TCEA1: variants seen among roughly 807,000 people sequenced by gnomAD.
TCEA1 encodes transcription elongation factor A protein 1.
A neutral mutation model predicts 43.8 loss-of-function variants in TCEA1; 21 were observed. That is an observed-to-expected ratio of 0.48 (90% CI 0.34 to 0.69). The LOEUF is 0.69. Among genes scored for constraint, TCEA1 ranks in the 30% least tolerant of loss-of-function variants. TCEA1 has a pLI of 0.01. For missense variants in TCEA1, 250 were observed against 365.1 expected, an observed-to-expected ratio of 0.68 and a Z score of 2.57; for synonymous variants, 104 against 117.5, an observed-to-expected ratio of 0.88 and a Z score of 0.75.
intron 2 of TCEA1, chr8:54,009,837 A>G (rs1804593800): frequency 6.6e-6 from 1 of 152,340 alleles, no homozygotes; most frequent in African/African-American, 2.4e-5. Flanking sequence ...CTCCCAACAC[A>G]GAGAAATGAT....
chr8:54,019,629 A>T (rs1804959991), intron 1 of TCEA1, among the ~76,000 whole-genome samples: 1 of 152,110 alleles, frequency 6.6e-6, no homozygotes, highest in Non-Finnish European at 1.5e-5. Flanking sequence ...CTGAGAGAAA[A>T]ATCTGAAAAC....
chr8:53,985,166 G>A lies in TCEA1; in HGVS notation c.524-649C>T, dbSNP rs188394829. Among the ~76,000 whole-genome samples the A allele has an allele frequency of 4.1e-3, 620 of 152,044 alleles. 4 individuals carry two copies. The highest frequency in any genetic ancestry group is 0.014 in the African/African-American group (591 of 41,482). On this transcript the variant is annotated intron_variant, in intron 6 of 9. Transcript: ENST00000521604. ...GTAGCTGCTGCGATTATAAGCGCCTGCCACCATGCCCGGCTAATTTTTGTA... is the reference window on the plus strand; with the variant it reads ...GTAGCTGCTGCGATTATAAGCGCCTACCACCATGCCCGGCTAATTTTTGTA...
rs1033474148 is a variant in TCEA1 at position 53,988,382 on chromosome 8, C to T, written c.321-123G>A. 5 of 1,169,370 alleles carry T rather than the reference C, an allele frequency of 4.3e-6. No homozygotes were observed. In the African/African-American group the frequency reaches 7.6e-5, roughly 18 times the overall value. The allele number at this position is 1,169,370 out of a possible 1,614,324, so 72.4% of individuals were successfully genotyped here. A position where few individuals can be genotyped will look rare whatever the true frequency, so the allele number is the denominator to read the frequency against. On this transcript the variant is annotated intron_variant, in intron 4 of 9. Coordinates refer to ENST00000521604, the MANE Select transcript of TCEA1 (RefSeq NM_006756.4). ...ATAAATGACACAGTATCTCAGTGAC[C>T]TTTATGTGATGGAAAAAAAATTGCC... is the stretch of plus-strand genomic sequence containing the variant.
At position 54,006,147 on chromosome 8, in the gene TCEA1, G is replaced by A. The variant is rs79649513; in HGVS notation, c.126+4283C>T. 7.3e-3 allele frequency among the ~76,000 whole-genome samples: 1,108 copies of A among 152,198 alleles called. 49 individuals carry two copies. The highest frequency in any genetic ancestry group is 0.061 in the Admixed American group (928 of 15,282). On this transcript the variant is annotated intron_variant, in intron 2 of 9. Coordinates refer to ENST00000521604, the MANE Select transcript of TCEA1 (RefSeq NM_006756.4). ...CTTAGATTGACAAGTAAACTTCTTC[G>A]TTCTTCTTCCTACCCTCCTTCTTTC...
intron 8 of TCEA1, chr8:53,973,798 AG>A (rs1368478485): frequency 4.3e-5 from 18 of 423,192 alleles, no homozygotes; most frequent in African/African-American, 3.8e-4. Flanking sequence ...CCCAATTTCA[AG>A]AAAACAAAAG....
intron 1 of TCEA1, among the ~76,000 whole-genome samples, chr8:54,019,659 A>C (rs1295441499): frequency 6.6e-6 from 1 of 152,150 alleles, no homozygotes; most frequent in Non-Finnish European, 1.5e-5. Context: ...AAAGAGAAAC[A>C]CATATACCAT....
intron 1 of TCEA1, among the ~76,000 whole-genome samples, chr8:54,018,715 G>A (rs1307734568): frequency 6.6e-6 from 1 of 152,202 alleles, no homozygotes; most frequent in Middle Eastern, 3.2e-3. Context: ...GTGCACTTGA[G>A]ATCAAGTACA....
At chr8:54,017,987 C>T (rs180746918) in intron 1 of TCEA1, among the ~76,000 whole-genome samples, 1 of 152,200 alleles carries the variant, frequency 6.6e-6, no homozygotes, top group Non-Finnish European at 1.5e-5. Flanking sequence ...GCACCACAAC[C>T]CTTGCATTGT....
At chr8:53,973,339 C>A in intron 8 of TCEA1, 1 of 529,158 alleles carries the variant, frequency 1.9e-6, no homozygotes, top group African/African-American at 2.0e-5. Flanking sequence ...AAAGGATAAA[C>A]TGACCCCTTG....
intron 7 of TCEA1, among the ~76,000 whole-genome samples, chr8:53,980,994 C>T (rs918181978): frequency 4.6e-5 from 7 of 152,096 alleles, no homozygotes; most frequent in Admixed American, 2.6e-4. Context: ...TTTTAGTGGC[C>T]TAGACAGAAG....
chr8:54,022,403 C>T lies in TCEA1; in HGVS notation c.-278G>A, dbSNP rs1259264221. On this transcript the variant is annotated 5_prime_UTR_variant, in exon 1 of 10. Transcript: ENST00000521604. The stretch of plus-strand genomic sequence containing the variant: ...CGCTGGTGAGGGGCGAGCCCATGTT[C>T]CCGCCAGGCGGGCGTCGGGCTAGTG... 6 of 491,034 alleles carry T rather than the reference C, an allele frequency of 1.2e-5. No homozygotes were observed. The highest frequency in any genetic ancestry group is 2.1e-5 in the African/African-American group (1 of 48,420). 30.4% of individuals were successfully genotyped at this position (491,034 alleles called of 1,614,324 possible).
intron 4 of TCEA1, among the ~76,000 whole-genome samples, chr8:53,988,904 A>G (rs1803778958): frequency 6.6e-6 from 1 of 152,238 alleles, no homozygotes; most frequent in South Asian, 2.1e-4. Flanking sequence ...CCCCGTCTCT[A>G]TTAAAAATAC....
At chr8:54,003,259 C>T (rs149771023) in intron 2 of TCEA1, among the ~76,000 whole-genome samples, 4 of 152,130 alleles carry the variant, frequency 2.6e-5, no homozygotes, top group South Asian at 2.1e-4. Context: ...GTCGATAGAC[C>T]GGAAGACTTA....
chr8:53,986,148 G>A (rs1355860514), intron 6 of TCEA1, among the ~76,000 whole-genome samples: 1 of 152,094 alleles, frequency 6.6e-6, no homozygotes, highest in Non-Finnish European at 1.5e-5. Flanking sequence ...AGACCTTTCT[G>A]GCTGGTAGCA....
At position 54,006,352 on chromosome 8, in the gene TCEA1, G is replaced by A. The variant is rs373900588; in HGVS notation, c.126+4078C>T. The stretch of plus-strand genomic sequence containing the variant: ...CTCTTAGCCGGGTGTGGTGATACAC[G>A]CCTGTAATCCCAGCTACTCAGGAGG... On this transcript the variant is annotated intron_variant, in intron 2 of 9. Coordinates refer to ENST00000521604, the MANE Select transcript of TCEA1 (RefSeq NM_006756.4). Among the ~76,000 whole-genome samples the A allele has an allele frequency of 4.6e-5, 7 of 152,200 alleles. No homozygotes were observed. In the East Asian group the frequency reaches 7.7e-4, roughly 17 times the overall value.
intron 3 of TCEA1, among the ~76,000 whole-genome samples, chr8:53,998,895 A>G (rs1161180373): frequency 6.6e-6 from 1 of 152,194 alleles, no homozygotes; most frequent in Non-Finnish European, 1.5e-5. Flanking sequence ...AATTTCATAA[A>G]AGATAAAGAA....
intron 1 of TCEA1, among the ~76,000 whole-genome samples, chr8:54,018,708 C>A (rs746157503): frequency 1.2e-4 from 19 of 152,152 alleles, no homozygotes; most frequent in Non-Finnish European, 1.8e-4. Context: ...TGGTCATGTG[C>A]ACTTGAGATC....
chr8:54,001,538 A>C (rs539918471), intron 2 of TCEA1, among the ~76,000 whole-genome samples: 37 of 152,324 alleles, frequency 2.4e-4, no homozygotes, highest in African/African-American at 8.7e-4. Flanking sequence ...TAACAAGGCT[A>C]GTTTACTAGG....
chr8:53,976,296 G>C (rs1205338900), intron 8 of TCEA1, among the ~76,000 whole-genome samples: 1 of 152,178 alleles, frequency 6.6e-6, no homozygotes, highest in Admixed American at 6.5e-5. Context: ...CCTCAGAACA[G>C]CAGCGTTCTA....
Sources: allele counts gnomAD v4.1 joint callset (sites outside exome capture counted in the v4.1 genomes callset), GRCh38; gene constraint gnomAD v4.1.1; transcripts MANE v1.5; gene names NCBI Gene and HGNC (gene_info 2026-07-23, HGNC 2026-07-21).